Variants in GRXCR2 observed in about 807,000 individuals in gnomAD.
GRXCR2 encodes the protein glutaredoxin and cysteine rich domain containing 2.
Under a neutral mutation model 24.8 loss-of-function variants are expected in GRXCR2, and 23 were observed. That is an observed-to-expected ratio of 0.93 (90% CI 0.67 to 1.32). GRXCR2 has a LOEUF of 1.32. Ranked by LOEUF, GRXCR2 falls within the 40% of genes most tolerant of loss-of-function variation. The probability of loss-of-function intolerance (pLI) is 0.00; values close to 1 mark genes in which losing one functional copy is unlikely to be tolerated. For synonymous variants in GRXCR2, 130 were observed against 116.1 expected, an observed-to-expected ratio of 1.12 and a Z score of -0.77; for missense variants, 315 against 303.4, an observed-to-expected ratio of 1.04 and a Z score of -0.28.
At chr5:145,889,459 T>G (rs1756830886) in intron 2 of GRXCR2, among the ~76,000 whole-genome samples, 1 of 152,092 alleles carries the variant, frequency 6.6e-6, no homozygotes, top group Non-Finnish European at 1.5e-5. Flanking sequence ...TAAAAATATG[T>G]CTTAGAACTC....
chr5:145,931,090 G>C lies in GRXCR2; in HGVS notation c.-70+4611C>G, dbSNP rs201564735. Among the ~76,000 whole-genome samples, 61 of 152,284 alleles carry C rather than the reference G, an allele frequency of 4.0e-4. 1 individual carries two copies. In the East Asian group the frequency reaches 0.01, roughly 25 times the overall value. On this transcript the variant is annotated intron_variant, in intron 2 of 3. Coordinates refer to the GRXCR2 transcript ENST00000639411. ...TTTGTCACCCAGGCTGGAGTGCAGT[G>C]GTGCGATCTCAGTTCACTGCAGCCT...
At chr5:145,893,848 C>G (rs1756907756) in intron 2 of GRXCR2, among the ~76,000 whole-genome samples, 1 of 152,174 alleles carries the variant, frequency 6.6e-6, no homozygotes, top group Non-Finnish European at 1.5e-5. Flanking sequence ...CAGCACCACA[C>G]CATACCTATT....
intron 2 of GRXCR2, among the ~76,000 whole-genome samples, chr5:145,862,946 T>TATTATG (rs1241704571): frequency 1.3e-5 from 2 of 152,186 alleles, no homozygotes; most frequent in African/African-American, 4.8e-5. Flanking sequence ...AAATGGCAGC[T>TATTATG]ATTATGATTA....
chr5:145,909,613 CT>C (rs1757137245), intron 2 of GRXCR2, among the ~76,000 whole-genome samples: 1 of 152,150 alleles, frequency 6.6e-6, no homozygotes, highest in South Asian at 2.1e-4. Context: ...TGGTTGTGGT[CT>C]GTCTCCTCTC....
At chr5:145,871,136 A>C (rs1438884401) in intron 1 of GRXCR2, among the ~76,000 whole-genome samples, 1 of 152,194 alleles carries the variant, frequency 6.6e-6, no homozygotes, top group African/African-American at 2.4e-5. Flanking sequence ...TATGAAGATC[A>C]AGCAACCCAA....
chr5:145,909,883 C>T (rs73308192), intron 2 of GRXCR2, among the ~76,000 whole-genome samples: 5,215 of 152,176 alleles, frequency 0.034, 253 homozygotes, highest in African/African-American at 0.11. Context: ...TTCTACCCCC[C>T]GCCCTCACCC....
At chr5:145,861,754 C>T (rs1046392916) in intron 2 of GRXCR2, among the ~76,000 whole-genome samples, 1 of 152,132 alleles carries the variant, frequency 6.6e-6, no homozygotes, top group Non-Finnish European at 1.5e-5. Flanking sequence ...AACAAGACAG[C>T]AGGAGTCCGC....
intron 2 of GRXCR2, among the ~76,000 whole-genome samples, chr5:145,895,637 A>C (rs911954895): frequency 3.2e-4 from 48 of 152,202 alleles, no homozygotes; most frequent in East Asian, 1.2e-3. Flanking sequence ...AAAGAGGATA[A>C]AAACAAATGG....
At chr5:145,908,205 CT>C (rs892369711) in intron 2 of GRXCR2, among the ~76,000 whole-genome samples, 136 of 152,302 alleles carry the variant, frequency 8.9e-4, no homozygotes, top group African/African-American at 3.2e-3. Flanking sequence ...TCCGACAATC[CT>C]AACCAAAAAG....
At chr5:145,889,758 C>G (rs1756836785) in intron 2 of GRXCR2, among the ~76,000 whole-genome samples, 1 of 152,088 alleles carries the variant, frequency 6.6e-6, no homozygotes, top group African/African-American at 2.4e-5. Flanking sequence ...GTAAAGAATT[C>G]AAAGCATGGA....
intron 2 of GRXCR2, among the ~76,000 whole-genome samples, chr5:145,911,354 T>A (rs907795771): frequency 1.6e-4 from 25 of 152,236 alleles, no homozygotes; most frequent in African/African-American, 5.5e-4. Context: ...CAGTGATGGC[T>A]GAGCAAGGTT....
intron 2 of GRXCR2, among the ~76,000 whole-genome samples, chr5:145,893,458 A>G (rs1226143751): frequency 3.1e-4 from 47 of 152,174 alleles, no homozygotes; most frequent in Admixed American, 3.1e-3. Flanking sequence ...CAAATGGAAA[A>G]CAAAAAAAGG....
intron 2 of GRXCR2, among the ~76,000 whole-genome samples, chr5:145,890,202 C>A (rs551575127): frequency 6.6e-6 from 1 of 152,286 alleles, no homozygotes; most frequent in South Asian, 2.1e-4. Flanking sequence ...ATTTCTCCTG[C>A]CCTCAACCTC....
chr5:145,898,839 G>A (rs1006902135), intron 2 of GRXCR2, among the ~76,000 whole-genome samples: 3 of 151,992 alleles, frequency 2.0e-5, no homozygotes, highest in East Asian at 1.9e-4. Flanking sequence ...GAAACTGGAA[G>A]CATTCCCCTT....
chr5:145,866,667 C>T lies in GRXCR2; in HGVS notation c.398G>A (p.Arg133Gln), dbSNP rs753377119. 7.2e-5 allele frequency: 116 copies of T among 1,613,616 alleles called. No individual in the cohort carries two copies. Among genetic ancestry groups the T allele is most frequent in the Non-Finnish European group, 9.0e-5 (106 of 1,179,712 alleles). ...AAAATCTCTCTTGTCCATTGGGGTT[C>T]GAATGATTTTCAGGTTATTAGTGTA... ...IIYTNNLKIIRTPMDKRDFVR... is the reference protein window; with the variant it reads ...IIYTNNLKIIQTPMDKRDFVR... The change falls in exon 2 of 3, where the codon CGA (arginine) becomes CAA (glutamine). Residue 133 changes from arginine (R) to glutamine (Q), a missense_variant. Physicochemically the swap from Arg to Gln is conservative, Grantham distance 43. Coordinates refer to ENST00000377976, the MANE Select transcript of GRXCR2 (RefSeq NM_001080516.2).
At chr5:145,878,601 G>C (rs1756654056) in intron 2 of GRXCR2, among the ~76,000 whole-genome samples, 1 of 152,010 alleles carries the variant, frequency 6.6e-6, no homozygotes, top group Admixed American at 6.6e-5. Context: ...GGGGAGAATA[G>C]AACCAAGTTG....
chr5:145,864,655 A>G (rs993414303), intron 2 of GRXCR2, among the ~76,000 whole-genome samples: 1 of 152,050 alleles, frequency 6.6e-6, no homozygotes, highest in Non-Finnish European at 1.5e-5. Context: ...GCTGCCATGT[A>G]AGATGTGCCT....
rs572756358 is a variant in GRXCR2, at chr5:145,887,707, A to C, written c.-69-20979T>G. ...GGAGCTTAGCTTTGATATACAGCAC[A>C]TTTGGGGGAACTGAAAATGCACATA... is the stretch of plus-strand genomic sequence containing the variant. On this transcript the variant is annotated intron_variant, in intron 2 of 3. Coordinates refer to the GRXCR2 transcript ENST00000639411. 2.0e-5 allele frequency among the ~76,000 whole-genome samples: 3 copies of C among 152,312 alleles called. No homozygotes were observed. In the South Asian group the frequency reaches 6.2e-4, roughly 32 times the overall value.
chr5:145,919,787 G>A (rs1757298648), intron 2 of GRXCR2, among the ~76,000 whole-genome samples: 1 of 152,076 alleles, frequency 6.6e-6, no homozygotes, highest in South Asian at 2.1e-4. Flanking sequence ...TAAAACCCCT[G>A]GGGAGGGCAG....
Sources: gnomAD v4.1 joint callset for allele counts (sites outside exome capture counted in the v4.1 genomes callset) on GRCh38, gnomAD v4.1.1 for gene constraint, MANE v1.5 for transcripts, NCBI Gene and HGNC (gene_info 2026-07-23, HGNC 2026-07-21) for gene names.